Variants in SGK1 observed in about 807,000 individuals in gnomAD.
SGK1 encodes the protein serum/glucocorticoid regulated kinase 1.
In SGK1, 26 loss-of-function variants were observed where a neutral mutation model predicts 64.2. That is an observed-to-expected ratio of 0.40 (90% CI 0.30 to 0.56). The LOEUF (loss-of-function observed/expected upper bound fraction) is 0.56, where lower values mean the gene tolerates loss of function less well. Among genes scored for constraint, SGK1 ranks in the 20% least tolerant of loss-of-function variants. SGK1 has a pLI of 0.38. For synonymous variants in SGK1, 265 were observed against 239.7 expected (o/e 1.11, Z -0.98); for missense variants, 519 against 645.6 (o/e 0.80, Z 2.12).
intron 1 of SGK1, among the ~76,000 whole-genome samples, chr6:134,278,113 G>A (rs551806528): frequency 6.6e-6 from 1 of 152,290 alleles, no homozygotes; most frequent in East Asian, 1.9e-4. Context: ...GTTCCCTGAA[G>A]TCCTGCTACT....
In SGK1 at chr6:134,274,787, G is replaced by GTCTTTTCTTT. The variant is rs142632426; in HGVS notation, c.70-12649_70-12640dup. ...TTCCTTAAATGGTATTGCCCTTTTA[G>GTCTTTTCTTT]TCTTTTCTTTTCTTTTCTTTTCTTT... On this transcript the variant is annotated intron_variant, in intron 1 of 13. Transcript: ENST00000367858. 1.4e-3 allele frequency among the ~76,000 whole-genome samples: 212 copies of GTCTTTTCTTT among 150,096 alleles called. 2 individuals carry two copies. Among genetic ancestry groups the GTCTTTTCTTT allele is most frequent in the Middle Eastern group, 3.4e-3 (1 of 292 alleles).
At chr6:134,242,443 G>A (rs557123883) in intron 2 of SGK1, among the ~76,000 whole-genome samples, 4 of 151,716 alleles carry the variant, frequency 2.6e-5, no homozygotes, top group Admixed American at 1.3e-4. Flanking sequence ...CTGAGATCGC[G>A]CCATTGCACT....
At chr6:134,281,775 C>T (rs1177279217) in intron 1 of SGK1, among the ~76,000 whole-genome samples, 1 of 152,074 alleles carries the variant, frequency 6.6e-6, no homozygotes, top group Non-Finnish European at 1.5e-5. Flanking sequence ...TCTCGGCCTC[C>T]GGGATCAGGC....
chr6:134,231,270 C>T (rs1042316305), intron 2 of SGK1, among the ~76,000 whole-genome samples: 9 of 152,174 alleles, frequency 5.9e-5, no homozygotes, highest in African/African-American at 2.2e-4. Flanking sequence ...ATCCAAGCTA[C>T]TCATTGAAAA....
intron 3 of SGK1, among the ~76,000 whole-genome samples, chr6:134,199,220 C>T (rs1052077933): frequency 1.3e-5 from 2 of 152,004 alleles, no homozygotes; most frequent in East Asian, 3.8e-4. Flanking sequence ...GGACTTAATA[C>T]CTGGGTGATG....
chr6:134,183,655 T>G (rs1775367546), intron 3 of SGK1, among the ~76,000 whole-genome samples: 1 of 152,178 alleles, frequency 6.6e-6, no homozygotes, highest in Non-Finnish European at 1.5e-5. Context: ...GTTTGATCAT[T>G]TAGATTATCT....
intron 1 of SGK1, chr6:134,297,595 C>T: frequency 2.1e-6 from 1 of 481,022 alleles, no homozygotes; most frequent in Non-Finnish European, 4.0e-6. Context: ...CTCCGCCTCC[C>T]AGGTTCAAGG....
chr6:134,171,353 T>G (rs918147584), intron 11 of SGK1, 175 bp from the exon 12 acceptor site: 1 of 653,702 alleles, frequency 1.5e-6, no homozygotes, highest in African/African-American at 1.8e-5. Flanking sequence ...AACCCGTGTG[T>G]GTGTTTGTGT....
intron 3 of SGK1, among the ~76,000 whole-genome samples, chr6:134,190,184 A>G (rs545771480): frequency 1.3e-5 from 2 of 151,866 alleles, no homozygotes; most frequent in African/African-American, 4.8e-5. Context: ...ATCTGCTCCT[A>G]TATTCATAAC....
intron 2 of SGK1, chr6:134,260,368 A>AACCCCCCC (rs1776746382): frequency 1.7e-5 from 1 of 57,348 alleles, no homozygotes; most frequent in African/African-American, 6.1e-5. Flanking sequence ...CCTGTCCCCG[A>AACCCCCCC]CCCCCACCCC....
At chr6:134,207,268 TC>T (rs1562250953) in intron 3 of SGK1, 87 bp downstream of exon 3, 4 of 808,922 alleles carry the variant, frequency 4.9e-6, no homozygotes, top group Non-Finnish European at 4.0e-6. Flanking sequence ...AAAAAATATT[TC>T]CCCCCAAACC....
chr6:134,276,821 G>A (rs1033084967), intron 1 of SGK1, among the ~76,000 whole-genome samples: 3 of 152,064 alleles, frequency 2.0e-5, no homozygotes, highest in African/African-American at 7.2e-5. Flanking sequence ...GAAGGCTGAG[G>A]TGGGTGGATA....
intron 1 of SGK1, among the ~76,000 whole-genome samples, chr6:134,262,419 C>T (rs555539238): frequency 6.6e-6 from 1 of 151,860 alleles, no homozygotes; most frequent in African/African-American, 2.4e-5. Flanking sequence ...CTTTTTCCTC[C>T]TGCTTCCAGT....
At chr6:134,245,545 CT>C in intron 2 of SGK1, among the ~76,000 whole-genome samples, 1 of 152,282 alleles carries the variant, frequency 6.6e-6, no homozygotes, top group African/African-American at 2.4e-5. Flanking sequence ...ACTTTTCCTG[CT>C]AGTTTAGCTA....
At chr6:134,173,942 GTAGGAA>G in intron 5 of SGK1, 57 bp downstream of exon 5, 2 of 1,105,858 alleles carry the variant, frequency 1.8e-6, no homozygotes, top group Admixed American at 4.1e-5. Flanking sequence ...ATCCATTAAT[GTAGGAA>G]TACTAACTGA....
intron 3 of SGK1, among the ~76,000 whole-genome samples, chr6:134,204,872 G>A (rs1369640872): frequency 6.6e-6 from 1 of 151,780 alleles, no homozygotes; most frequent in African/African-American, 2.4e-5. Context: ...AATTTATTTA[G>A]GCTTCAAAAA....
chr6:134,304,879 T>C (rs1413502241), intron 1 of SGK1, among the ~76,000 whole-genome samples: 2 of 152,248 alleles, frequency 1.3e-5, no homozygotes, highest in South Asian at 2.1e-4. Context: ...CTGAAATTTA[T>C]ATTTAAATTT....
At chr6:134,171,949 CT>C (rs1292638222) in intron 10 of SGK1, 8 of 627,090 alleles carry the variant, frequency 1.3e-5, no homozygotes, top group East Asian at 1.1e-4. Flanking sequence ...ATATCTCTTA[CT>C]TAGGGATTTA....
At chr6:134,298,047 T>C in intron 1 of SGK1, 2 of 1,076,218 alleles carry the variant, frequency 1.9e-6, no homozygotes, top group Non-Finnish European at 2.9e-6. Flanking sequence ...TACAGCTGCC[T>C]CAGGAAGTTG....
Sources: allele counts gnomAD v4.1 joint callset (sites outside exome capture counted in the v4.1 genomes callset), GRCh38; gene constraint gnomAD v4.1.1; transcripts MANE v1.5; gene names NCBI Gene and HGNC (gene_info 2026-07-23, HGNC 2026-07-21).